IQGAP2: variants seen among roughly 807,000 people sequenced by gnomAD.
The protein encoded by IQGAP2 is IQ motif containing GTPase activating protein 2, also known as ras GTPase-activating-like protein IQGAP2.
Under a neutral mutation model 201.3 loss-of-function variants are expected in IQGAP2, and 173 were observed. That is an observed-to-expected ratio of 0.86 (90% CI 0.76 to 0.98). The LOEUF (loss-of-function observed/expected upper bound fraction) is 0.98. Ranked by LOEUF, IQGAP2 falls within the 50% of genes least tolerant of loss-of-function variation. The pLI, the probability that IQGAP2 is intolerant of heterozygous loss-of-function variation, is 0.00. For synonymous variants in IQGAP2, 675 were observed against 673.9 expected, an observed-to-expected ratio of 1.00 and a Z score of -0.03; for missense variants, 1,687 against 1,864.8, an observed-to-expected ratio of 0.90 and a Z score of 1.76.
At chr5:76,681,141 GAA>G (rs1745259088) in intron 28 of IQGAP2, among the ~76,000 whole-genome samples, 1 of 97,376 alleles carries the variant, frequency 1.0e-5, no homozygotes, top group Non-Finnish European at 2.3e-5. Flanking sequence ...CAGAATGAAA[GAA>G]AATAATTGTA....
At chr5:76,510,668 A>G in intron 2 of IQGAP2, 1 of 537,684 alleles carries the variant, frequency 1.9e-6, no homozygotes, top group Admixed American at 1.9e-5. Flanking sequence ...TGCCACCGCT[A>G]AACAGCCTAG....
At chr5:76,606,339 G>T in intron 12 of IQGAP2, 36 bp downstream of exon 12, 1 of 1,523,328 alleles carries the variant, frequency 6.6e-7, no homozygotes, top group East Asian at 2.3e-5. Flanking sequence ...TAGCATAGTG[G>T]GAGAAGAAGG....
chr5:76,537,277 C>T (rs73766938), intron 2 of IQGAP2, among the ~76,000 whole-genome samples: 126 of 152,214 alleles, frequency 8.3e-4, no homozygotes, highest in African/African-American at 2.9e-3. Context: ...TAATAAAGGC[C>T]TGTCCGGAAT....
chr5:76,584,263 A>G lies in IQGAP2; in HGVS notation c.459-4643A>G, dbSNP rs111863881. Reference sequence around the variant, plus strand: ...AGCATAATGTGAAAACAGTTGCATCAAGATCATTGAGCACAGCTGTCTTAT... The same window carrying G: ...AGCATAATGTGAAAACAGTTGCATCGAGATCATTGAGCACAGCTGTCTTAT... On this transcript the variant is annotated intron_variant, in intron 5 of 35. Transcript: ENST00000274364. Among the ~76,000 whole-genome samples the G allele has an allele frequency of 3.2e-3, 483 of 152,334 alleles. 2 individuals carry two copies. The highest frequency in any genetic ancestry group is 0.011 in the African/African-American group (458 of 41,562).
intron 2 of IQGAP2, among the ~76,000 whole-genome samples, chr5:76,554,202 G>A (rs1237843435): frequency 6.6e-6 from 1 of 152,010 alleles, no homozygotes; most frequent in Non-Finnish European, 1.5e-5. Context: ...ACAGAAAGTA[G>A]TTCAAAATGG....
At chr5:76,632,780 G>A (rs917216007) in intron 15 of IQGAP2, among the ~76,000 whole-genome samples, 1 of 151,254 alleles carries the variant, frequency 6.6e-6, no homozygotes, top group African/African-American at 2.4e-5. Flanking sequence ...AGAAACTAGT[G>A]TGACAGTGTG....
intron 10 of IQGAP2, among the ~76,000 whole-genome samples, chr5:76,599,626 C>A (rs1018396483): frequency 3.9e-5 from 6 of 151,932 alleles, no homozygotes; most frequent in African/African-American, 1.5e-4. Flanking sequence ...TCGATGGTAA[C>A]CCCTTCTTCC....
At chr5:76,485,756 C>T (rs1756090213) in intron 2 of IQGAP2, among the ~76,000 whole-genome samples, 1 of 152,170 alleles carries the variant, frequency 6.6e-6, no homozygotes, top group Non-Finnish European at 1.5e-5. Flanking sequence ...TGTACAGCCC[C>T]CCAGGTGTGG....
intron 27 of IQGAP2, among the ~76,000 whole-genome samples, chr5:76,676,927 A>C (rs1744870615): frequency 6.6e-6 from 1 of 152,212 alleles, no homozygotes; most frequent in Non-Finnish European, 1.5e-5. Context: ...TTTTTAAAAT[A>C]ACATTTTTAA....
intron 13 of IQGAP2, 87 bp from the exon 14 acceptor site, chr5:76,627,323 G>T: frequency 1.1e-6 from 1 of 889,888 alleles, no homozygotes; most frequent in South Asian, 1.3e-5. Flanking sequence ...TGGGAATTAT[G>T]ATTAAATGGC....
At chr5:76,411,973 A>T (rs2150071735) in intron 1 of IQGAP2, among the ~76,000 whole-genome samples, 1 of 152,298 alleles carries the variant, frequency 6.6e-6, no homozygotes, top group South Asian at 2.1e-4. Flanking sequence ...TGGGGGTGGC[A>T]CATGGGGGGC....
At chr5:76,498,432 C>T (rs1045145889) in intron 2 of IQGAP2, among the ~76,000 whole-genome samples, 6 of 152,172 alleles carry the variant, frequency 3.9e-5, no homozygotes, top group Non-Finnish European at 5.9e-5. Flanking sequence ...TGTCACACTT[C>T]TGTAGCAGAG....
intron 2 of IQGAP2, among the ~76,000 whole-genome samples, chr5:76,485,541 A>C (rs1756074842): frequency 1.3e-5 from 2 of 152,118 alleles, no homozygotes; most frequent in Admixed American, 6.5e-5. Flanking sequence ...CAGTATTTGC[A>C]TTTGCATGGG....
chr5:76,533,666 G>A (rs1391444640), intron 2 of IQGAP2, among the ~76,000 whole-genome samples: 6 of 151,778 alleles, frequency 4.0e-5, no homozygotes, highest in African/African-American at 1.2e-4. Flanking sequence ...TCAGCCTCCC[G>A]AGTAGCTGGG....
chr5:76,618,867 T>C (rs1282074895), intron 13 of IQGAP2, among the ~76,000 whole-genome samples: 1 of 152,212 alleles, frequency 6.6e-6, no homozygotes, highest in African/African-American at 2.4e-5. Context: ...AGTCCTTGTA[T>C]GTAAAGTGTT....
Position 76,583,497 on chromosome 5 carries a change from A to AT in IQGAP2, c.459-5401dup, listed in dbSNP as rs538173249. On this transcript the variant is annotated intron_variant, in intron 5 of 35. Coordinates refer to ENST00000274364, the MANE Select transcript of IQGAP2 (RefSeq NM_006633.5). ...TGAGGCCAAACAGAAACTATACAAT[A>AT]TTTTTTTTAATTTTTTAGTAAATGA... 4.5e-4 allele frequency among the ~76,000 whole-genome samples: 68 copies of AT among 152,176 alleles called. 1 individual carries two copies. In the South Asian group the frequency reaches 6.6e-3, roughly 15 times the overall value.
At position 76,461,639 on chromosome 5, in the gene IQGAP2, A is replaced by T. The variant is rs1017631765; in HGVS notation, c.116A>T (p.Glu39Val). The change falls in exon 2 of 36, where the codon GAA (glutamate) becomes GTA (valine). Residue 39 changes from glutamate (E) to valine (V), a missense_variant. Transcript: ENST00000274364. The part of the protein sequence containing the change: ...DERRRQNIAY[E>V]YLCHLEEAKR... Reference sequence around the variant, plus strand: ...AGGAGGCGGCAGAACATTGCTTATGAATATCTGTGCCACTTAGAGGAAGCC... The same window carrying T: ...AGGAGGCGGCAGAACATTGCTTATGTATATCTGTGCCACTTAGAGGAAGCC... 1.7e-5 allele frequency: 27 copies of T among 1,613,934 alleles called. No individual in the cohort carries two copies. Among genetic ancestry groups the T allele is most frequent in the Non-Finnish European group, 2.3e-5 (27 of 1,179,784 alleles).
chr5:76,699,944 A>T (rs867206249), intron 33 of IQGAP2, among the ~76,000 whole-genome samples: 355 of 31,700 alleles, frequency 0.011, no homozygotes, highest in Middle Eastern at 0.031. Context: ...TCTCTCTCTC[A>T]CTCTCGTGCT....
At chr5:76,535,349 T>C (rs1425484885) in intron 2 of IQGAP2, among the ~76,000 whole-genome samples, 2 of 152,212 alleles carry the variant, frequency 1.3e-5, no homozygotes, top group African/African-American at 4.8e-5. Flanking sequence ...CATCTGTTGT[T>C]TAGAGTAAAA....
Sources: allele counts gnomAD v4.1 joint callset (sites outside exome capture counted in the v4.1 genomes callset), GRCh38; gene constraint gnomAD v4.1.1; transcripts MANE v1.5; gene names NCBI Gene and HGNC (gene_info 2026-07-23, HGNC 2026-07-21).